SLC6A20: variants seen among roughly 807,000 people sequenced by gnomAD.
SLC6A20 encodes sodium- and chloride-dependent transporter XTRP3.
In SLC6A20, 73 loss-of-function variants were observed where a neutral mutation model predicts 64.3. The observed-to-expected ratio is 1.14, with a 90% CI of 0.94 to 1.38. SLC6A20 has a LOEUF of 1.38. Ranked by LOEUF, SLC6A20 falls within the 40% of genes most tolerant of loss-of-function variation. The probability of loss-of-function intolerance (pLI) is 0.00; values close to 1 mark genes in which losing one functional copy is unlikely to be tolerated. For missense variants in SLC6A20, 725 were observed against 772.8 expected (o/e 0.94, Z 0.73); for synonymous variants, 347 against 329.6 (o/e 1.05, Z -0.57).
At chr3:45,761,867 T>C (rs1160710657) in intron 9 of SLC6A20, among the ~76,000 whole-genome samples, 4 of 152,218 alleles carry the variant, frequency 2.6e-5, no homozygotes, top group Non-Finnish European at 5.9e-5. Flanking sequence ...TGATGGATCA[T>C]GGGAGATCCC....
At chr3:45,761,424 CT>C (rs1348680905) in intron 9 of SLC6A20, among the ~76,000 whole-genome samples, 1 of 152,302 alleles carries the variant, frequency 6.6e-6, no homozygotes, top group African/African-American at 2.4e-5. Context: ...TCACCAGCCC[CT>C]TTTTGATGGA....
rs549008537 is a variant in SLC6A20, at chr3:45,773,199, G to T, written c.583-584C>A. Among the ~76,000 whole-genome samples the T allele has an allele frequency of 9.2e-5, 14 of 152,290 alleles. No individual in the cohort carries two copies. The South Asian group carries it at 2.7e-3, about 29-fold the overall frequency. On this transcript the variant is annotated intron_variant, in intron 4 of 10. Coordinates refer to ENST00000358525, the MANE Select transcript of SLC6A20 (RefSeq NM_020208.4). ...CAGGACTGGGGCCTGAGAGCAGATT[G>T]GTCACGAGTGCTCATACAGGAAAGC...
intron 1 of SLC6A20, among the ~76,000 whole-genome samples, chr3:45,791,452 G>A (rs913110913): frequency 7.2e-5 from 11 of 152,292 alleles, no homozygotes; most frequent in Middle Eastern, 3.4e-3. Context: ...TTCTCCACCA[G>A]TAGGCAGACT....
At chr3:45,784,090 T>A (rs1442298757) in intron 1 of SLC6A20, among the ~76,000 whole-genome samples, 1 of 152,202 alleles carries the variant, frequency 6.6e-6, no homozygotes, top group African/African-American at 2.4e-5. Flanking sequence ...GGGACGACTG[T>A]CTCTCTGACA....
intron 1 of SLC6A20, among the ~76,000 whole-genome samples, chr3:45,792,001 G>C (rs1261143833): frequency 1.3e-5 from 2 of 152,216 alleles, no homozygotes; most frequent in African/African-American, 4.8e-5. Flanking sequence ...AGGTTTCCTG[G>C]AGAGGATGAA....
At chr3:45,759,494 C>A (rs915325935) in intron 10 of SLC6A20, among the ~76,000 whole-genome samples, 1 of 152,214 alleles carries the variant, frequency 6.6e-6, no homozygotes, top group Admixed American at 6.5e-5. Context: ...GGGACTTTCC[C>A]GTGAAGGTAG....
chr3:45,785,942 T>C (rs1052267067), intron 1 of SLC6A20, among the ~76,000 whole-genome samples: 1 of 151,906 alleles, frequency 6.6e-6, no homozygotes, highest in Admixed American at 6.6e-5. Flanking sequence ...CAGACCAGGC[T>C]CCAGAGGATG....
chr3:45,764,301 G>T (rs954621674), intron 8 of SLC6A20, among the ~76,000 whole-genome samples: 13 of 152,302 alleles, frequency 8.5e-5, no homozygotes, highest in Middle Eastern at 3.4e-3. Flanking sequence ...GCACAAAAAG[G>T]GGCAGACGAT....
At chr3:45,760,146 G>A (rs894845773) in intron 9 of SLC6A20, 124 bp from the exon 10 acceptor site, 3 of 1,080,036 alleles carry the variant, frequency 2.8e-6, no homozygotes, top group Non-Finnish European at 4.0e-6. Flanking sequence ...GTCTGAGCTT[G>A]GCCACTGGGC....
At chr3:45,769,443 T>C (rs1003145049) in intron 7 of SLC6A20, among the ~76,000 whole-genome samples, 1 of 149,760 alleles carries the variant, frequency 6.7e-6, no homozygotes, top group African/African-American at 2.5e-5. Flanking sequence ...CTGTAAAATA[T>C]AAATAAAGGT....
intron 3 of SLC6A20, among the ~76,000 whole-genome samples, chr3:45,778,268 C>T (rs891304237): frequency 7.2e-5 from 11 of 152,194 alleles, no homozygotes; most frequent in African/African-American, 2.4e-4. Context: ...CCCCTCTGCT[C>T]GGGTGCTCAG....
intron 7 of SLC6A20, among the ~76,000 whole-genome samples, chr3:45,768,025 G>A (rs970008352): frequency 6.6e-6 from 1 of 152,188 alleles, no homozygotes; most frequent in Admixed American, 6.5e-5. Flanking sequence ...TGGGATGCAA[G>A]AAAGAATGGT....
intron 1 of SLC6A20, chr3:45,790,307 G>A (rs1192590056): frequency 6.6e-6 from 1 of 151,670 alleles, no homozygotes; most frequent in Non-Finnish European, 1.5e-5. Context: ...GCTTGTGTAT[G>A]TGTGTGCATA....
intron 4 of SLC6A20, among the ~76,000 whole-genome samples, chr3:45,774,799 G>C (rs1699936459): frequency 6.6e-6 from 1 of 152,198 alleles, no homozygotes; most frequent in Non-Finnish European, 1.5e-5. Context: ...AGAGAGCTAT[G>C]TGGCTACCAA....
intron 3 of SLC6A20, among the ~76,000 whole-genome samples, chr3:45,779,092 T>C (rs758660894): frequency 6.6e-5 from 10 of 152,204 alleles, no homozygotes; most frequent in Admixed American, 6.5e-5. Context: ...GCCAGCCCTA[T>C]CTTGCTTGCG....
intron 1 of SLC6A20, 73 bp downstream of exon 1, chr3:45,796,226 C>T (rs973262582): frequency 2.6e-6 from 4 of 1,541,386 alleles, no homozygotes; most frequent in Non-Finnish European, 3.5e-6. Context: ...TAACTTGGGT[C>T]TAACCCCGGC....
At chr3:45,770,431 C>A in intron 6 of SLC6A20, 60 bp from the exon 7 acceptor site, 1 of 1,587,220 alleles carries the variant, frequency 6.3e-7, no homozygotes, top group Non-Finnish European at 8.6e-7. Flanking sequence ...TCACCAAAGC[C>A]TCCCGTCAGC....
intron 4 of SLC6A20, among the ~76,000 whole-genome samples, chr3:45,774,760 T>C (rs1699936092): frequency 6.6e-6 from 1 of 151,966 alleles, no homozygotes; most frequent in South Asian, 2.1e-4. Flanking sequence ...CAGGTGACAG[T>C]TGGAATTGAT....
At chr3:45,782,062 G>A (rs959729432) in intron 2 of SLC6A20, 21 bp downstream of exon 2, 1 of 1,586,940 alleles carries the variant, frequency 6.3e-7, no homozygotes, top group Non-Finnish European at 8.6e-7. Context: ...GGTGGGAGAG[G>A]ACTGGAGGGG....
Sources: allele counts gnomAD v4.1 joint callset (sites outside exome capture counted in the v4.1 genomes callset), GRCh38; gene constraint gnomAD v4.1.1; transcripts MANE v1.5; gene names NCBI Gene and HGNC (gene_info 2026-07-23, HGNC 2026-07-21).